The following BPNT2 variants were observed in gnomAD, a reference collection of about 807,000 sequenced individuals.
BPNT2 encodes the protein 3'(2'), 5'-bisphosphate nucleotidase 2.
Under a neutral mutation model 29.3 loss-of-function variants are expected in BPNT2, and 11 were observed. The observed-to-expected ratio is 0.38, with a 90% confidence interval of 0.24 to 0.62. The LOEUF (loss-of-function observed/expected upper bound fraction) is 0.62. Among genes scored for constraint, BPNT2 ranks in the 20% least tolerant of loss-of-function variants. The pLI is 0.62. For missense variants in BPNT2, 459 were observed against 473.4 expected (o/e 0.97, Z 0.28); for synonymous variants, 195 against 187.7 (o/e 1.04, Z -0.32).
chr8:56,962,543 AAGAC>A lies in BPNT2; in HGVS notation c.*1246_*1249del, dbSNP rs1039912776. On this transcript the variant is annotated 3_prime_UTR_variant, in exon 5 of 5. Transcript: ENST00000262644. ...TGAGAGAAACCATACATCCCAATGAAAGACAGTTCACAAAGCAAGGTTCTAGTTA... is the reference window on the plus strand; with the variant it reads ...TGAGAGAAACCATACATCCCAATGAAAGTTCACAAAGCAAGGTTCTAGTTA... 2.0e-5 allele frequency: 3 copies of A among 152,224 alleles called. No homozygotes were observed. Among genetic ancestry groups the A allele is most frequent in the Admixed American group, 2.0e-4 (3 of 15,282 alleles). The allele number at this position is 152,224 out of a possible 1,614,324, so 9.4% of individuals were successfully genotyped here.
chr8:56,966,106 G>A, intron 4 of BPNT2, 85 bp downstream of exon 4: 2 of 1,446,644 alleles, frequency 1.4e-6, no homozygotes, highest in South Asian at 2.3e-5. Flanking sequence ...TTCCTCCCAA[G>A]CATGGACAAG....
intron 3 of BPNT2, among the ~76,000 whole-genome samples, chr8:56,974,745 A>C (rs1806104454): frequency 6.6e-6 from 1 of 152,242 alleles, no homozygotes; most frequent in Non-Finnish European, 1.5e-5. Context: ...TAACTTAAAA[A>C]GACATTTTTA....
chr8:56,978,479 C>T (rs1806183317), intron 2 of BPNT2, among the ~76,000 whole-genome samples: 3 of 152,232 alleles, frequency 2.0e-5, no homozygotes, highest in South Asian at 4.1e-4. Flanking sequence ...CTGTGGTAGA[C>T]AGTGTGGCAA....
At position 56,969,373 on chromosome 8, in the gene BPNT2, T is replaced by G. The variant is rs201484542; in HGVS notation, c.647-3021A>C. On this transcript the variant is annotated intron_variant, in intron 3 of 4. Coordinates refer to ENST00000262644, the MANE Select transcript of BPNT2 (RefSeq NM_017813.5). The stretch of plus-strand genomic sequence containing the variant: ...AAGGTAATCTATTACAGGACAAGCT[T>G]TATCCAACCAAGGGGTGACTGAGAA... Among the ~76,000 whole-genome samples, 16 of 152,272 alleles carry G rather than the reference T, an allele frequency of 1.1e-4. No homozygotes were observed. In the East Asian group the frequency reaches 1.5e-3, roughly 15 times the overall value.
intron 1 of BPNT2, among the ~76,000 whole-genome samples, chr8:56,986,566 G>A (rs1175567501): frequency 1.3e-5 from 2 of 152,176 alleles, no homozygotes; most frequent in Admixed American, 6.5e-5. Context: ...TAAACCCATT[G>A]TGAATTGAGA....
chr8:56,989,573 A>C (rs2129206884), intron 1 of BPNT2, among the ~76,000 whole-genome samples: 1 of 152,250 alleles, frequency 6.6e-6, no homozygotes, highest in East Asian at 1.9e-4. Context: ...TAGTAAAACA[A>C]GCTCAGCATA....
chr8:56,985,025 C>T (rs1049913704), intron 1 of BPNT2, among the ~76,000 whole-genome samples: 4 of 151,818 alleles, frequency 2.6e-5, no homozygotes, highest in Non-Finnish European at 5.9e-5. Context: ...ATTAAGGTCT[C>T]GGCTCAAATG....
Position 56,958,960 on chromosome 8 carries a change from T to C in BPNT2, c.*4833A>G, listed in dbSNP as rs1234052765. The stretch of plus-strand genomic sequence containing the variant: ...ATTTTTTGGTTAATTGATGTAATGA[T>C]GACTCACTATGCCTTATTTCCTATT... On this transcript the variant is annotated 3_prime_UTR_variant, in exon 5 of 5. Coordinates refer to ENST00000262644, the MANE Select transcript of BPNT2 (RefSeq NM_017813.5). 1 of 152,246 alleles carries C rather than the reference T, an allele frequency of 6.6e-6. No homozygotes were observed. The highest frequency in any genetic ancestry group is 1.5e-5 in the Non-Finnish European group (1 of 68,044). 9.4% of individuals were successfully genotyped at this position (152,246 alleles called of 1,614,324 possible).
chr8:56,965,607 G>A (rs1212230218), intron 4 of BPNT2, among the ~76,000 whole-genome samples: 2 of 152,178 alleles, frequency 1.3e-5, no homozygotes, highest in African/African-American at 2.4e-5. Context: ...AACAGAGACT[G>A]TATATATATG....
intron 3 of BPNT2, among the ~76,000 whole-genome samples, chr8:56,973,220 T>C (rs1294151092): frequency 6.6e-6 from 1 of 151,966 alleles, no homozygotes; most frequent in Non-Finnish European, 1.5e-5. Context: ...GAGAACCCCA[T>C]GAGTTCAACA....
At position 56,993,668 on chromosome 8, in the gene BPNT2, C is replaced by A; in HGVS notation, c.-83G>T. The A allele has an allele frequency of 8.9e-7, 1 of 1,126,050 alleles. No individual in the cohort carries two copies. Among genetic ancestry groups the A allele is most frequent in the East Asian group, 5.2e-5 (1 of 19,336 alleles). The allele number at this position is 1,126,050 out of a possible 1,614,324, so 69.8% of individuals were successfully genotyped here. ...CCGCCGCCGCCGCAGCCGCCGCGCT[C>A]CGGGCCAGGCGCCGCGCGGGCTACA... is the stretch of plus-strand genomic sequence containing the variant. On this transcript the variant is annotated 5_prime_UTR_variant, in exon 1 of 5. Coordinates refer to ENST00000262644, the MANE Select transcript of BPNT2 (RefSeq NM_017813.5).
rs1484809130 is a variant in BPNT2 at position 56,959,324 on chromosome 8, T to TG, written c.*4468_*4469insC. ...TTTGCCAATGGTAAATTGGAATGCA[T>TG]ATACTTGCCAGGCTTTGATGAAATA... On this transcript the variant is annotated 3_prime_UTR_variant, in exon 5 of 5. Coordinates refer to ENST00000262644, the MANE Select transcript of BPNT2 (RefSeq NM_017813.5). 35 of 152,344 alleles carry TG rather than the reference T, an allele frequency of 2.3e-4. No homozygotes were observed. The East Asian group carries it at 6.4e-3, about 28-fold the overall frequency. 9.4% of individuals were successfully genotyped at this position (152,344 alleles called of 1,614,324 possible). A position where few individuals can be genotyped will look rare whatever the true frequency, so the allele number is the denominator to read the frequency against.
chr8:56,969,502 G>A (rs1245816131), intron 3 of BPNT2, among the ~76,000 whole-genome samples: 2 of 152,060 alleles, frequency 1.3e-5, no homozygotes, highest in African/African-American at 4.8e-5. Flanking sequence ...GTGTATAAAT[G>A]GTTTTCTCAT....
At chr8:56,967,918 T>C (rs944409198) in intron 3 of BPNT2, among the ~76,000 whole-genome samples, 49 of 152,106 alleles carry the variant, frequency 3.2e-4, no homozygotes, top group African/African-American at 1.2e-3. Context: ...TCATCCAAAC[T>C]CCCTTCCTGC....
rs942557664 is a variant in BPNT2, at chr8:56,993,778, C to T, written c.-193G>A. 7.0e-6 allele frequency: 5 copies of T among 713,572 alleles called. No individual in the cohort carries two copies. The highest frequency in any genetic ancestry group is 3.8e-5 in the African/African-American group (2 of 51,970). 44.2% of individuals were successfully genotyped at this position (713,572 alleles called of 1,614,324 possible). A position where few individuals can be genotyped will look rare whatever the true frequency, so the allele number is the denominator to read the frequency against. On this transcript the variant is annotated 5_prime_UTR_variant, in exon 1 of 5. Transcript: ENST00000262644. ...TGCGCCGCGAAGACCACCAACGCCG[C>T]CCCGCGCGCCTGACTCGCCAGGCAG...
At chr8:56,979,242 T>A (rs1211196767) in intron 2 of BPNT2, among the ~76,000 whole-genome samples, 4 of 152,186 alleles carry the variant, frequency 2.6e-5, no homozygotes, top group African/African-American at 4.8e-5. Context: ...CACTCATCTT[T>A]AGGTATAAAT....
chr8:56,978,517 C>T (rs1806183875), intron 2 of BPNT2, among the ~76,000 whole-genome samples: 1 of 152,112 alleles, frequency 6.6e-6, no homozygotes, highest in African/African-American at 2.4e-5. Flanking sequence ...GAAAGAAATA[C>T]TATTCGACCC....
rs1217891587 is a variant in BPNT2 at position 56,958,854 on chromosome 8, A to T, written c.*4939T>A. 1 of 152,220 alleles carries T rather than the reference A, an allele frequency of 6.6e-6. No homozygotes were observed. The highest frequency in any genetic ancestry group is 1.5e-5 in the Non-Finnish European group (1 of 68,044). 9.4% of individuals were successfully genotyped at this position (152,220 alleles called of 1,614,324 possible). ...GACAATATGGCACATGGAAATTAAA[A>T]AGTCCATAAACGTGCCCTCCTAACA... On this transcript the variant is annotated 3_prime_UTR_variant, in exon 5 of 5. Transcript: ENST00000262644.
intron 1 of BPNT2, among the ~76,000 whole-genome samples, chr8:56,982,126 C>CT (rs539120953): frequency 0.02 from 2,779 of 141,492 alleles, 71 homozygotes; most frequent in African/African-American, 0.055. Context: ...TTAAATATCT[C>CT]TTTTTTTTTT....
Sources: gnomAD v4.1 joint callset for allele counts (sites outside exome capture counted in the v4.1 genomes callset) on GRCh38, gnomAD v4.1.1 for gene constraint, MANE v1.5 for transcripts, NCBI Gene and HGNC (gene_info 2026-07-23, HGNC 2026-07-21) for gene names.